CSMD3: variants seen among roughly 807,000 people sequenced by gnomAD.
CSMD3 encodes CUB and Sushi multiple domains 3.
A neutral mutation model predicts 435.2 loss-of-function variants in CSMD3; 177 were observed. The ratio of observed to expected loss-of-function variants is 0.41; its 90% CI spans 0.36 to 0.46. CSMD3 has a LOEUF of 0.46. Ranked by LOEUF, CSMD3 falls within the 20% of genes least tolerant of loss-of-function variation. The pLI is 0.34. For synonymous variants in CSMD3, 1,656 were observed against 1,520.5 expected (o/e 1.09, Z -2.07); for missense variants, 4,265 against 4,504.6 (o/e 0.95, Z 1.52).
At chr8:112,986,491 G>A (rs111554044) in intron 6 of CSMD3, among the ~76,000 whole-genome samples, 7,230 of 152,092 alleles carry the variant, frequency 0.048, 231 homozygotes, top group Non-Finnish European at 0.069. Context: ...AATGAGAAAC[G>A]GAAAGAAGGC....
At chr8:113,256,107 G>A (rs908738741) in intron 3 of CSMD3, among the ~76,000 whole-genome samples, 2 of 151,668 alleles carry the variant, frequency 1.3e-5, no homozygotes, top group African/African-American at 4.8e-5. Flanking sequence ...CAGGGACAAA[G>A]AGATTTCATG....
At chr8:112,412,796 G>A (rs545216293) in intron 32 of CSMD3, among the ~76,000 whole-genome samples, 1 of 152,228 alleles carries the variant, frequency 6.6e-6, no homozygotes, top group South Asian at 2.1e-4. Context: ...TGGGTTAAAT[G>A]CTAGGGTTAA....
chr8:112,705,463 C>G (rs1014419488), intron 13 of CSMD3, among the ~76,000 whole-genome samples: 3 of 152,064 alleles, frequency 2.0e-5, no homozygotes, highest in Admixed American at 2.0e-4. Flanking sequence ...GCTTTCTGCT[C>G]TGGTCACTTC....
intron 3 of CSMD3, among the ~76,000 whole-genome samples, chr8:113,260,202 C>G (rs987386251): frequency 6.6e-6 from 1 of 152,122 alleles, no homozygotes; most frequent in Non-Finnish European, 1.5e-5. Flanking sequence ...TGGACCAATA[C>G]AGGCAGGATT....
At chr8:112,682,706 T>C (rs574696069) in intron 15 of CSMD3, 70 bp from the exon 16 acceptor site, 1 of 1,088,868 alleles carries the variant, frequency 9.2e-7, no homozygotes, top group South Asian at 1.3e-5. Context: ...CTTCTATATT[T>C]TGGAAAAGAG....
At chr8:112,652,378 G>A (rs901693973) in intron 18 of CSMD3, among the ~76,000 whole-genome samples, 1 of 152,062 alleles carries the variant, frequency 6.6e-6, no homozygotes, top group African/African-American at 2.4e-5. Flanking sequence ...TCCTTTACAT[G>A]AACCTCTAAC....
chr8:113,303,820 C>G (rs1285239187), intron 2 of CSMD3, among the ~76,000 whole-genome samples: 1 of 141,084 alleles, frequency 7.1e-6, no homozygotes, highest in African/African-American at 2.6e-5. Context: ...TAGAAGAAAA[C>G]CTAGGCATTA....
chr8:112,682,416 T>C (rs756812628), intron 16 of CSMD3, 26 bp downstream of exon 16: 2 of 1,557,080 alleles, frequency 1.3e-6, no homozygotes, highest in African/African-American at 1.4e-5. Flanking sequence ...GATGAGGTTC[T>C]ATTTCTCACT....
chr8:112,528,222 A>G (rs1166078581), intron 27 of CSMD3, among the ~76,000 whole-genome samples: 2 of 152,164 alleles, frequency 1.3e-5, no homozygotes, highest in Non-Finnish European at 2.9e-5. Context: ...AGTACTAAAA[A>G]TTTAAAAATC....
intron 4 of CSMD3, among the ~76,000 whole-genome samples, chr8:113,129,560 A>T (rs1018987947): frequency 3.3e-5 from 5 of 152,190 alleles, no homozygotes; most frequent in Admixed American, 6.6e-5. Flanking sequence ...GCCTGTTAAA[A>T]CCAAGCACTG....
chr8:113,049,988 C>T (rs2088017165), intron 5 of CSMD3, among the ~76,000 whole-genome samples: 1 of 151,996 alleles, frequency 6.6e-6, no homozygotes, highest in East Asian at 1.9e-4. Context: ...AAATGACATT[C>T]CCATGAGAAG....
At chr8:113,172,111 T>C (rs537352455) in intron 4 of CSMD3, among the ~76,000 whole-genome samples, 2 of 152,206 alleles carry the variant, frequency 1.3e-5, no homozygotes, top group African/African-American at 4.8e-5. Context: ...CTAGTGCTGC[T>C]GTGAGTAATA....
At chr8:113,020,605 C>CGTTCTTAATAATAATAA (rs1564217034) in intron 5 of CSMD3, among the ~76,000 whole-genome samples, 1 of 152,116 alleles carries the variant, frequency 6.6e-6, no homozygotes. Context: ...CTTAATAACA[C>CGTTCTTAATAATAATAA]GTTCTTAATA....
chr8:113,436,654 G>A lies in CSMD3; in HGVS notation c.178+23C>T, dbSNP rs770930145. ...TCAGCCCACCTCCATCCAAAGCGGAGGGGACCCCCAAAGCAGACCTACCTT... is the reference window on the plus strand; with the variant it reads ...TCAGCCCACCTCCATCCAAAGCGGAAGGGACCCCCAAAGCAGACCTACCTT... On this transcript the variant is annotated intron_variant, in intron 1 of 70. Coordinates refer to ENST00000297405, the MANE Select transcript of CSMD3 (RefSeq NM_198123.2). 7 of 1,613,154 alleles carry A rather than the reference G, an allele frequency of 4.3e-6. No individual in the cohort carries two copies. The South Asian group carries it at 5.5e-5, about 13-fold the overall frequency.
intron 28 of CSMD3, among the ~76,000 whole-genome samples, chr8:112,512,727 C>G (rs1823262698): frequency 6.6e-6 from 1 of 152,164 alleles, no homozygotes; most frequent in Non-Finnish European, 1.5e-5. Flanking sequence ...AGCTTTGAAG[C>G]CAGACATTGA....
At chr8:112,871,555 T>C (rs2081136048) in intron 10 of CSMD3, among the ~76,000 whole-genome samples, 2 of 152,118 alleles carry the variant, frequency 1.3e-5, no homozygotes, top group South Asian at 4.1e-4. Flanking sequence ...GTTGTTTTCA[T>C]GGACGTGCAT....
At chr8:113,257,870 GA>G (rs1285112112) in intron 3 of CSMD3, among the ~76,000 whole-genome samples, 3 of 151,792 alleles carry the variant, frequency 2.0e-5, no homozygotes, top group African/African-American at 7.3e-5. Flanking sequence ...ACTGGAATTT[GA>G]AAAAAATAAC....
intron 36 of CSMD3, among the ~76,000 whole-genome samples, chr8:112,389,536 G>C (rs1366303640): frequency 6.6e-6 from 1 of 152,038 alleles, no homozygotes; most frequent in Non-Finnish European, 1.5e-5. Context: ...TTTTTGTTTT[G>C]TCATTGGTTT....
chr8:113,122,465 G>A (rs2091012041), intron 4 of CSMD3, among the ~76,000 whole-genome samples: 1 of 152,076 alleles, frequency 6.6e-6, no homozygotes, highest in African/African-American at 2.4e-5. Flanking sequence ...ATACATTTAA[G>A]TTTGCTAATC....
Sources: gnomAD v4.1 joint callset for allele counts (sites outside exome capture counted in the v4.1 genomes callset) on GRCh38, gnomAD v4.1.1 for gene constraint, MANE v1.5 for transcripts, NCBI Gene and HGNC (gene_info 2026-07-23, HGNC 2026-07-21) for gene names.